The following FAM135B variants were observed in gnomAD, a reference collection of about 807,000 sequenced individuals.
FAM135B encodes the protein protein FAM135B.
Under a neutral mutation model 127.7 loss-of-function variants are expected in FAM135B, and 43 were observed. The ratio of observed to expected loss-of-function variants is 0.34; its 90% confidence interval spans 0.26 to 0.43. The LOEUF is 0.43. Among genes scored for constraint, FAM135B ranks in the 20% least tolerant of loss-of-function variants. The pLI is 1.00. For missense variants in FAM135B, 1,558 were observed against 1,725.6 expected (o/e 0.90, Z 1.72); for synonymous variants, 670 against 665.1 (o/e 1.01, Z -0.11).
intron 1 of FAM135B, among the ~76,000 whole-genome samples, chr8:138,377,209 C>T (rs1205178466): frequency 6.6e-6 from 1 of 152,132 alleles, no homozygotes; most frequent in Non-Finnish European, 1.5e-5. Flanking sequence ...AACTATATAT[C>T]AGCATTTACT....
intron 2 of FAM135B, among the ~76,000 whole-genome samples, chr8:138,351,059 C>A (rs984352705): frequency 1.3e-5 from 2 of 152,152 alleles, no homozygotes; most frequent in African/African-American, 4.8e-5. Flanking sequence ...CTGACAAAAT[C>A]CATACAGAAT....
intron 9 of FAM135B, among the ~76,000 whole-genome samples, chr8:138,186,111 C>CA (rs1234377876): frequency 2.0e-5 from 3 of 152,172 alleles, no homozygotes; most frequent in East Asian, 3.9e-4. Context: ...TCCCAGGCTC[C>CA]ATGCCGGCCT....
At chr8:138,387,776 T>C (rs1054365300) in intron 1 of FAM135B, among the ~76,000 whole-genome samples, 3 of 152,154 alleles carry the variant, frequency 2.0e-5, no homozygotes, top group Admixed American at 2.0e-4. Flanking sequence ...CACAGAATCA[T>C]GAACCACTTA....
chr8:138,183,842 G>A (rs188973455), intron 9 of FAM135B, among the ~76,000 whole-genome samples: 20 of 152,324 alleles, frequency 1.3e-4, no homozygotes, highest in African/African-American at 4.8e-4. Flanking sequence ...TCTACCTGGT[G>A]CTATTTGGAG....
At chr8:138,417,494 G>T (rs578181120) in intron 1 of FAM135B, among the ~76,000 whole-genome samples, 2 of 152,268 alleles carry the variant, frequency 1.3e-5, no homozygotes, top group Admixed American at 1.3e-4. Context: ...GCTGCCACTG[G>T]CATGAATGTG....
chr8:138,320,941 G>T (rs1017502959), intron 2 of FAM135B, among the ~76,000 whole-genome samples: 1 of 152,192 alleles, frequency 6.6e-6, no homozygotes, highest in African/African-American at 2.4e-5. Context: ...GTGACATTTT[G>T]TCAAAATCAT....
rs758936993 is a variant in FAM135B at position 138,152,351 on chromosome 8, G to A, written c.2124C>T (p.Pro708=). ...ACGGGTGCAAGACTTCCCGATCACTGGGCAACTCCAGAGCCCTGCTTCGGG... is the reference window on the plus strand; with the variant it reads ...ACGGGTGCAAGACTTCCCGATCACTAGGCAACTCCAGAGCCCTGCTTCGGG... ...SEARSRALEL[P]SDREVLHPFV... The change falls in exon 13 of 20, where the codon CCC becomes CCT. Residue 708 remains proline, a synonymous_variant. Transcript: ENST00000395297. The A allele has an allele frequency of 1.2e-6, 2 of 1,614,046 alleles. No homozygotes were observed. The highest frequency in any genetic ancestry group is 2.7e-5 in the African/African-American group (2 of 74,932).
chr8:138,376,696 G>A (rs1457877097), intron 1 of FAM135B, among the ~76,000 whole-genome samples: 1 of 152,170 alleles, frequency 6.6e-6, no homozygotes, highest in Non-Finnish European at 1.5e-5. Context: ...GTACCACGGA[G>A]AACATCAATG....
At chr8:138,162,614 C>G (rs940599099) in intron 12 of FAM135B, among the ~76,000 whole-genome samples, 2 of 152,156 alleles carry the variant, frequency 1.3e-5, no homozygotes, top group Middle Eastern at 6.3e-3. Flanking sequence ...AACCTGAAAT[C>G]TCTTTTAAAA....
At chr8:138,423,134 G>A (rs1587415947) in intron 1 of FAM135B, among the ~76,000 whole-genome samples, 2 of 152,220 alleles carry the variant, frequency 1.3e-5, no homozygotes, top group East Asian at 3.9e-4. Context: ...GAGTGGGAGG[G>A]GGGTGAGGAT....
chr8:138,279,755 T>C (rs1586953185), intron 3 of FAM135B, among the ~76,000 whole-genome samples: 1 of 152,242 alleles, frequency 6.6e-6, no homozygotes, highest in South Asian at 2.1e-4. Context: ...CATCTTAGAG[T>C]CACCTTATTG....
chr8:138,291,626 T>A (rs1323361328), intron 3 of FAM135B, among the ~76,000 whole-genome samples: 2 of 152,192 alleles, frequency 1.3e-5, no homozygotes, highest in Non-Finnish European at 2.9e-5. Flanking sequence ...GATGCAAGGA[T>A]GTTCAACACA....
intron 3 of FAM135B, among the ~76,000 whole-genome samples, chr8:138,282,216 C>G (rs1484139261): frequency 6.6e-6 from 1 of 152,142 alleles, no homozygotes; most frequent in Non-Finnish European, 1.5e-5. Context: ...AAGTAATCTA[C>G]CATCCCAGAA....
intron 7 of FAM135B, among the ~76,000 whole-genome samples, chr8:138,208,680 C>A (rs1024342846): frequency 1.3e-5 from 2 of 152,162 alleles, no homozygotes; most frequent in Non-Finnish European, 2.9e-5. Context: ...CCTCAGAGGG[C>A]AAGAGTGAGG....
At chr8:138,190,339 T>C (rs903687835) in intron 9 of FAM135B, among the ~76,000 whole-genome samples, 1 of 152,148 alleles carries the variant, frequency 6.6e-6, no homozygotes, top group Non-Finnish European at 1.5e-5. Context: ...ATAGGAATGG[T>C]TGGCTGGACA....
At chr8:138,157,183 C>T (rs1818844090) in intron 12 of FAM135B, among the ~76,000 whole-genome samples, 1 of 152,110 alleles carries the variant, frequency 6.6e-6, no homozygotes, top group South Asian at 2.1e-4. Context: ...CAAACAGAAC[C>T]AAGGACAAAA....
intron 1 of FAM135B, among the ~76,000 whole-genome samples, chr8:138,411,137 T>C (rs1031264221): frequency 6.7e-5 from 10 of 149,620 alleles, no homozygotes; most frequent in Admixed American, 6.0e-4. Context: ...TGGAAAAAAC[T>C]ACTTTAAAGT....
chr8:138,375,312 C>T (rs764982813), intron 1 of FAM135B, among the ~76,000 whole-genome samples: 2 of 152,046 alleles, frequency 1.3e-5, no homozygotes, highest in African/African-American at 4.8e-5. Context: ...TCTAGATTTA[C>T]GAAGTACCAT....
chr8:138,130,221 A>G lies in FAM135B; in HGVS notation c.*2372T>C, dbSNP rs1475241204. 1 of 149,838 alleles carries G rather than the reference A, an allele frequency of 6.7e-6. No individual in the cohort carries two copies. The highest frequency in any genetic ancestry group is 1.5e-5 in the Non-Finnish European group (1 of 67,586). 9.3% of individuals were successfully genotyped at this position (149,838 alleles called of 1,614,324 possible). On this transcript the variant is annotated 3_prime_UTR_variant, in exon 20 of 20. Transcript: ENST00000395297. Reference sequence around the variant, plus strand: ...ATATTTATATATATTTTATGTATATATATTTATATATTCGATATCTATATT... The same window carrying G: ...ATATTTATATATATTTTATGTATATGTATTTATATATTCGATATCTATATT...
Sources: allele counts gnomAD v4.1 joint callset (sites outside exome capture counted in the v4.1 genomes callset), GRCh38; gene constraint gnomAD v4.1.1; transcripts MANE v1.5; gene names NCBI Gene and HGNC (gene_info 2026-07-23, HGNC 2026-07-21).